Variants in CYREN observed in about 807,000 individuals in gnomAD.
CYREN encodes the protein cell cycle regulator of NHEJ, also known as cell cycle regulator of non-homologous end joining.
CYREN carries 7 observed loss-of-function variants against 9.7 expected under a neutral mutation model. That is an observed-to-expected ratio of 0.72 (90% CI 0.41 to 1.36). The LOEUF (loss-of-function observed/expected upper bound fraction) is 1.36, where lower values mean the gene tolerates loss of function less well. Ranked by LOEUF, CYREN falls within the 40% of genes most tolerant of loss-of-function variation. The probability of loss-of-function intolerance (pLI) is 0.01; values close to 1 mark genes in which losing one functional copy is unlikely to be tolerated. For synonymous variants in CYREN, 76 were observed against 77.9 expected, an observed-to-expected ratio of 0.98 and a Z score of 0.13; for missense variants, 215 against 198.1, an observed-to-expected ratio of 1.09 and a Z score of -0.51.
chr7:135,165,045 T>G (rs535270843), downstream of CYREN: 5 of 1,514,532 alleles, frequency 3.3e-6, no homozygotes, highest in African/African-American at 5.6e-5. Flanking sequence ...TGGTCAGAGG[T>G]GGCACATCTG....
chr7:135,143,142 C>T (rs956635617), intron 2 of CYREN, among the ~76,000 whole-genome samples: 1 of 152,032 alleles, frequency 6.6e-6, no homozygotes, highest in African/African-American at 2.4e-5. Flanking sequence ...AAGCCAGGAA[C>T]TTAAAACCAG....
intron 2 of CYREN, among the ~76,000 whole-genome samples, chr7:135,155,557 C>T (rs997731140): frequency 3.9e-5 from 6 of 152,110 alleles, no homozygotes; most frequent in African/African-American, 9.7e-5. Flanking sequence ...GGCTGGGCAT[C>T]GTGGCTCATG....
intron 1 of CYREN, 131 bp downstream of exon 1, chr7:135,170,521 C>G (rs1175614935): frequency 2.0e-5 from 3 of 152,340 alleles, no homozygotes; most frequent in African/African-American, 4.8e-5. Context: ...ACTGGAGCGG[C>G]CGCGCGCTCC....
In CYREN at chr7:135,101,278, G is replaced by A. The variant is rs187563023; in HGVS notation, n.357-6696C>T. 8.5e-4 allele frequency: 387 copies of A among 455,434 alleles called. 1 individual carries two copies. Among genetic ancestry groups the A allele is most frequent in the African/African-American group, 6.7e-3 (338 of 50,124 alleles). The allele number at this position is 455,434 out of a possible 1,614,324, so 28.2% of individuals were successfully genotyped here. A position where few individuals can be genotyped will look rare whatever the true frequency, so the allele number is the denominator to read the frequency against. On this transcript the variant is annotated intron_variant and non_coding_transcript_variant, in intron 2 of 2. Transcript: ENST00000459937. ...GAGAAGACAAGGATACCAACAGAAG[G>A]TTGTTACTTGTTTTTATTGTTTAAG...
chr7:135,136,840 T>G (rs1284292898), intron 2 of CYREN, among the ~76,000 whole-genome samples: 1 of 152,180 alleles, frequency 6.6e-6, no homozygotes, highest in African/African-American at 2.4e-5. Context: ...CCTGGAAGAT[T>G]TAGGGATGCA....
exon 3 of CYREN, chr7:135,094,503 C>G (rs1822351293): frequency 2.2e-6 from 1 of 456,538 alleles, no homozygotes; most frequent in African/African-American, 2.0e-5. Context: ...ATAGTCTTGT[C>G]TGGAGCTTCA....
chr7:135,126,034 C>A (rs183224986), intron 2 of CYREN, among the ~76,000 whole-genome samples: 32 of 152,174 alleles, frequency 2.1e-4, no homozygotes, highest in African/African-American at 7.7e-4. Flanking sequence ...GTATTGGAAG[C>A]TCTGGCCAGG....
intron 2 of CYREN, among the ~76,000 whole-genome samples, chr7:135,107,099 T>C (rs1336636216): frequency 6.6e-6 from 1 of 152,166 alleles, no homozygotes. Context: ...ATCTTCTCTC[T>C]TTTCTTCTTT....
At chr7:135,139,847 G>C (rs1160455572) in intron 2 of CYREN, among the ~76,000 whole-genome samples, 1 of 152,060 alleles carries the variant, frequency 6.6e-6, no homozygotes, top group Non-Finnish European at 1.5e-5. Context: ...CCCATTGCTT[G>C]TTATTGTTGA....
At chr7:135,149,874 T>G (rs926399880) in intron 2 of CYREN, among the ~76,000 whole-genome samples, 4 of 152,236 alleles carry the variant, frequency 2.6e-5, no homozygotes, top group Non-Finnish European at 5.9e-5. Context: ...CGTAAACATT[T>G]TAAACATTAA....
chr7:135,112,171 C>A (rs1450454888), intron 2 of CYREN, among the ~76,000 whole-genome samples: 1 of 152,112 alleles, frequency 6.6e-6, no homozygotes, highest in Non-Finnish European at 1.5e-5. Context: ...TAATTCAGAC[C>A]CTCATTTTGC....
chr7:135,114,010 G>A (rs1458525151), intron 2 of CYREN, among the ~76,000 whole-genome samples: 5 of 152,158 alleles, frequency 3.3e-5, no homozygotes, highest in African/African-American at 1.2e-4. Flanking sequence ...AGGTTTATCA[G>A]TATTGTAGCA....
At chr7:135,102,728 A>C (rs1824037214) in intron 2 of CYREN, among the ~76,000 whole-genome samples, 1 of 152,096 alleles carries the variant, frequency 6.6e-6, no homozygotes, top group African/African-American at 2.4e-5. Flanking sequence ...TTCATATAAA[A>C]ATTAACCCTA....
chr7:135,168,538 C>T, intron 2 of CYREN: 1 of 518,860 alleles, frequency 1.9e-6, no homozygotes, highest in South Asian at 2.9e-5. Context: ...ATGGAGAACC[C>T]ACTCTGTGTG....
chr7:135,131,449 A>C (rs1014686635), intron 2 of CYREN, among the ~76,000 whole-genome samples: 8 of 119,766 alleles, frequency 6.7e-5, no homozygotes, highest in Non-Finnish European at 1.5e-4. Context: ...GAAATAAAGG[A>C]AACAAAAATT....
chr7:135,147,871 G>A (rs1829578630), intron 2 of CYREN: 2 of 456,146 alleles, frequency 4.4e-6, no homozygotes, highest in Non-Finnish European at 8.8e-6. Flanking sequence ...GAATTATTGT[G>A]TGATATAATC....
intron 2 of CYREN, chr7:135,134,997 C>A (rs1677478594): frequency 1.3e-6 from 2 of 1,551,044 alleles, no homozygotes; most frequent in East Asian, 4.9e-5. Flanking sequence ...TATCACCTCT[C>A]AAAGGCCCCA....
intron 2 of CYREN, among the ~76,000 whole-genome samples, chr7:135,122,013 G>GAA (rs1444079812): frequency 6.6e-6 from 1 of 152,220 alleles, no homozygotes; most frequent in African/African-American, 2.4e-5. Context: ...TAAGCCTACA[G>GAA]AGCTCCCCAG....
At position 135,170,641 on chromosome 7, in the gene CYREN, C is replaced by T. The variant is rs1010541609; in HGVS notation, c.-139+11G>A. 2.6e-5 allele frequency: 4 copies of T among 152,420 alleles called. No homozygotes were observed. In the East Asian group the frequency reaches 5.8e-4, roughly 22 times the overall value. The allele number at this position is 152,420 out of a possible 1,614,324, so 9.4% of individuals were successfully genotyped here. On this transcript the variant is annotated intron_variant, in intron 1 of 3. Coordinates refer to ENST00000393114, the MANE Select transcript of CYREN (RefSeq NM_024033.4). ...GGCAAATTCCAAGCGGTTGTGGGAC[C>T]CACGCCTCACCCGGAACTTTAAGCC...
Sources: allele counts gnomAD v4.1 joint callset (sites outside exome capture counted in the v4.1 genomes callset), GRCh38; gene constraint gnomAD v4.1.1; transcripts MANE v1.5; gene names NCBI Gene and HGNC (gene_info 2026-07-23, HGNC 2026-07-21).